Variants in SHISA9 observed in about 807,000 individuals in gnomAD.
The protein encoded by SHISA9 is shisa family member 9.
In SHISA9, 13 loss-of-function variants were observed where a neutral mutation model predicts 38.0. The observed-to-expected ratio is 0.34, with a 90% CI of 0.22 to 0.54. The LOEUF is 0.54. SHISA9 is among the 20% of genes least tolerant of loss of function. SHISA9 has a pLI of 0.91. For synonymous variants in SHISA9, 275 were observed against 242.0 expected, an observed-to-expected ratio of 1.14 and a Z score of -1.27; for missense variants, 538 against 575.8, an observed-to-expected ratio of 0.93 and a Z score of 0.67.
chr16:13,436,435 G>C, the SHISA9 span, among the ~76,000 whole-genome samples: 1 of 152,242 alleles, frequency 6.6e-6, no homozygotes, highest in African/African-American at 2.4e-5. Context: ...AAAAAGAAGA[G>C]GAACCCTCAA....
intron 4 of SHISA9, among the ~76,000 whole-genome samples, chr16:13,226,834 G>A (rs1357365853): frequency 1.3e-5 from 2 of 152,164 alleles, no homozygotes; most frequent in Non-Finnish European, 2.9e-5. Context: ...CAGGAGTCTA[G>A]GGGATCCCTT....
chr16:13,193,427 C>T (rs1171285200), intron 2 of SHISA9, among the ~76,000 whole-genome samples: 2 of 152,204 alleles, frequency 1.3e-5, no homozygotes, highest in Admixed American at 1.3e-4. Context: ...TCTCAGCTCA[C>T]TGTGACCTCT....
At chr16:13,328,591 T>TACACACAC in the SHISA9 span, among the ~76,000 whole-genome samples, 79 of 139,964 alleles carry the variant, frequency 5.6e-4, no homozygotes, top group Middle Eastern at 3.7e-3. Context: ...TATATGTGTA[T>TACACACAC]ACACACACAC....
chr16:13,197,678 A>T (rs1399409967), intron 2 of SHISA9: 1 of 152,234 alleles, frequency 6.6e-6, no homozygotes, highest in East Asian at 1.9e-4. Flanking sequence ...ACAGCATCAC[A>T]GAAGGGCAAG....
the SHISA9 span, among the ~76,000 whole-genome samples, chr16:13,245,897 T>C: frequency 1.3e-5 from 2 of 152,204 alleles, no homozygotes; most frequent in African/African-American, 4.8e-5. Context: ...GTCTGGCGCC[T>C]GTTTATTTAA....
chr16:13,503,666 G>A, the SHISA9 span, among the ~76,000 whole-genome samples: 8 of 142,306 alleles, frequency 5.6e-5, no homozygotes, highest in East Asian at 2.1e-4. Context: ...CAGGGCCAGC[G>A]TTCTTGATGG....
At chr16:12,993,352 T>C (rs1245120199) in intron 2 of SHISA9, among the ~76,000 whole-genome samples, 2 of 152,194 alleles carry the variant, frequency 1.3e-5, no homozygotes, top group African/African-American at 4.8e-5. Flanking sequence ...GTTAATTGCA[T>C]GGACTCTGGA....
the SHISA9 span, among the ~76,000 whole-genome samples, chr16:13,525,630 A>T: frequency 6.6e-6 from 1 of 152,220 alleles, no homozygotes; most frequent in Non-Finnish European, 1.5e-5. Flanking sequence ...CTTTAAACTA[A>T]TTCACTAAAA....
the SHISA9 span, among the ~76,000 whole-genome samples, chr16:13,456,480 A>T: frequency 6.6e-6 from 1 of 152,352 alleles, no homozygotes; most frequent in African/African-American, 2.4e-5. Context: ...CAATTCTGGG[A>T]TGCCGATGTC....
At chr16:13,278,783 G>A in the SHISA9 span, among the ~76,000 whole-genome samples, 1 of 152,000 alleles carries the variant, frequency 6.6e-6, no homozygotes, top group Non-Finnish European at 1.5e-5. Context: ...ATTTCTTAGT[G>A]AGGTAATTTG....
At chr16:12,916,906 G>A in intron 2 of SHISA9, 91 bp downstream of exon 2, 1 of 1,395,028 alleles carries the variant, frequency 7.2e-7, no homozygotes, top group Non-Finnish European at 9.5e-7. Flanking sequence ...GCTTGGGTTA[G>A]TTAAGAGCTC....
At chr16:13,536,083 C>A in the SHISA9 span, among the ~76,000 whole-genome samples, 3 of 152,000 alleles carry the variant, frequency 2.0e-5, no homozygotes, top group Non-Finnish European at 4.4e-5. Context: ...ACCGCAACCT[C>A]CGCTTCCCAG....
At chr16:13,176,415 G>C (rs1436882520) in intron 2 of SHISA9, among the ~76,000 whole-genome samples, 2 of 152,094 alleles carry the variant, frequency 1.3e-5, no homozygotes, top group African/African-American at 2.4e-5. Context: ...CTACCTCCTC[G>C]TCCTGACCCC....
intron 2 of SHISA9, chr16:13,082,477 A>G (rs2073661967): frequency 6.6e-6 from 1 of 152,078 alleles, no homozygotes; most frequent in South Asian, 2.1e-4. Flanking sequence ...TTCCACCTTC[A>G]GCACATCCCG....
the SHISA9 span, among the ~76,000 whole-genome samples, chr16:13,512,586 T>C: frequency 1.3e-5 from 2 of 152,266 alleles, no homozygotes; most frequent in African/African-American, 4.8e-5. Context: ...GCTGGAGGCA[T>C]CATGCTACCT....
At chr16:13,544,646 T>C in the SHISA9 span, among the ~76,000 whole-genome samples, 1 of 151,986 alleles carries the variant, frequency 6.6e-6, no homozygotes, top group Non-Finnish European at 1.5e-5. Context: ...TGGAGCCTTG[T>C]AGAATAGAAG....
the SHISA9 span, among the ~76,000 whole-genome samples, chr16:13,445,943 A>G: frequency 5.9e-5 from 9 of 152,060 alleles, no homozygotes; most frequent in Non-Finnish European, 1.2e-4. Context: ...AATATTGCCT[A>G]GTACTTTTTT....
intron 2 of SHISA9, among the ~76,000 whole-genome samples, chr16:13,048,445 G>A (rs116985369): frequency 5.9e-4 from 90 of 151,684 alleles, no homozygotes; most frequent in Non-Finnish European, 1.0e-3. Flanking sequence ...TTTTTGAGAC[G>A]GAGTCTAGCT....
the SHISA9 span, among the ~76,000 whole-genome samples, chr16:13,389,212 C>T: frequency 2.0e-5 from 3 of 152,152 alleles, no homozygotes; most frequent in East Asian, 5.8e-4. Flanking sequence ...ATCCTCTGTC[C>T]TCCACTTATT....
Sources: gnomAD v4.1 joint callset for allele counts (sites outside exome capture counted in the v4.1 genomes callset) on GRCh38, gnomAD v4.1.1 for gene constraint, MANE v1.5 for transcripts, NCBI Gene and HGNC (gene_info 2026-07-23, HGNC 2026-07-21) for gene names.